The following CDC42BPA variants were observed in gnomAD, a reference collection of about 807,000 sequenced individuals.
CDC42BPA encodes the protein serine/threonine-protein kinase MRCK alpha.
In CDC42BPA, 80 loss-of-function variants were observed where a neutral mutation model predicts 223.5. The ratio of observed to expected loss-of-function variants is 0.36; its 90% confidence interval spans 0.30 to 0.43. CDC42BPA has a LOEUF of 0.43. Among genes scored for constraint, CDC42BPA ranks in the 20% least tolerant of loss-of-function variants. The pLI, the probability that CDC42BPA is intolerant of heterozygous loss-of-function variation, is 1.00. For missense variants in CDC42BPA, 1,743 were observed against 2,099.9 expected (o/e 0.83, Z 3.32); for synonymous variants, 694 against 718.6 (o/e 0.97, Z 0.55).
chr1:227,078,765 C>A (rs968847070), intron 17 of CDC42BPA, among the ~76,000 whole-genome samples: 3 of 152,096 alleles, frequency 2.0e-5, no homozygotes. Flanking sequence ...ATTTAAAGTG[C>A]TATATGTCAT....
intron 2 of CDC42BPA, among the ~76,000 whole-genome samples, chr1:227,230,511 A>G (rs1263291555): frequency 2.6e-5 from 4 of 152,188 alleles, no homozygotes; most frequent in Non-Finnish European, 5.9e-5. Flanking sequence ...AACAGAGTTT[A>G]AAATTTATTC....
In CDC42BPA at chr1:227,317,443, C is replaced by T; in HGVS notation, c.-261G>A. The T allele has an allele frequency of 2.6e-6, 1 of 382,102 alleles. No individual in the cohort carries two copies. 23.7% of individuals were successfully genotyped at this position (382,102 alleles called of 1,614,324 possible). On this transcript the variant is annotated 5_prime_UTR_variant, in exon 1 of 37. Coordinates refer to ENST00000366766, the MANE Select transcript of CDC42BPA (RefSeq NM_001394014.1). ...TACTTAATGCATTTTTAAAAGAATACAATTAAGTCGTATATTTAAATAAAA... is the reference window on the plus strand; with the variant it reads ...TACTTAATGCATTTTTAAAAGAATATAATTAAGTCGTATATTTAAATAAAA...
chr1:227,275,819 G>A (rs1182474458), intron 1 of CDC42BPA, among the ~76,000 whole-genome samples: 2 of 152,216 alleles, frequency 1.3e-5, no homozygotes, highest in Non-Finnish European at 2.9e-5. Flanking sequence ...CGCCGGGCTG[G>A]TCTCCAGCTC....
rs1218181007 is a variant in CDC42BPA, at chr1:227,063,889, A to C, written c.2904+5888T>G. 2.0e-5 allele frequency among the ~76,000 whole-genome samples: 3 copies of C among 152,206 alleles called. No individual in the cohort carries two copies. The East Asian group carries it at 5.8e-4, about 29-fold the overall frequency. ...ACTGATTGTAACAGAATGTAAAAGA[A>C]GCTGGGAGATAAAACCATGTGAAAT... is the stretch of plus-strand genomic sequence containing the variant. On this transcript the variant is annotated intron_variant, in intron 21 of 36. Coordinates refer to ENST00000366766, the MANE Select transcript of CDC42BPA (RefSeq NM_001394014.1).
At chr1:227,050,613 A>G (rs954961954) in intron 22 of CDC42BPA, among the ~76,000 whole-genome samples, 3 of 152,186 alleles carry the variant, frequency 2.0e-5, no homozygotes, top group Non-Finnish European at 2.9e-5. Context: ...ATAATGAATG[A>G]ACTAAATGAA....
At chr1:227,312,016 T>C (rs77877041) in intron 1 of CDC42BPA, among the ~76,000 whole-genome samples, 14,230 of 152,272 alleles carry the variant, frequency 0.093, 831 homozygotes, top group Middle Eastern at 0.17. Context: ...GCACCTACAC[T>C]GAAGTATTTC....
At chr1:227,303,505 C>T (rs1244909670) in intron 1 of CDC42BPA, among the ~76,000 whole-genome samples, 1 of 152,196 alleles carries the variant, frequency 6.6e-6, no homozygotes, top group Admixed American at 6.5e-5. Context: ...GATAAAGTAA[C>T]CCAATGGCAC....
chr1:227,194,498 A>G (rs537044247), intron 4 of CDC42BPA, among the ~76,000 whole-genome samples: 1 of 152,340 alleles, frequency 6.6e-6, no homozygotes, highest in Admixed American at 6.5e-5. Flanking sequence ...TAATACTGTA[A>G]AAATATCAGA....
chr1:226,998,810 TA>T (rs1332997797), intron 35 of CDC42BPA, among the ~76,000 whole-genome samples: 3 of 152,200 alleles, frequency 2.0e-5, no homozygotes, highest in African/African-American at 7.2e-5. Context: ...CTAATTAAAC[TA>T]AAGAGCTTCT....
At chr1:227,051,101 G>C (rs1673448343) in intron 22 of CDC42BPA, among the ~76,000 whole-genome samples, 1 of 152,178 alleles carries the variant, frequency 6.6e-6, no homozygotes, top group Non-Finnish European at 1.5e-5. Flanking sequence ...AATCAAGTCA[G>C]AACCTGACTA....
chr1:227,281,689 A>G (rs965082275), intron 1 of CDC42BPA, among the ~76,000 whole-genome samples: 1 of 152,176 alleles, frequency 6.6e-6, no homozygotes, highest in African/African-American at 2.4e-5. Flanking sequence ...AGCCTGAGTT[A>G]GAGCTTTTGC....
At chr1:227,013,914 AAAT>A (rs1665707500) in intron 34 of CDC42BPA, among the ~76,000 whole-genome samples, 1 of 152,172 alleles carries the variant, frequency 6.6e-6, no homozygotes, top group African/African-American at 2.4e-5. Context: ...AGTTTAATTA[AAAT>A]ACTACACAGC....
rs774757916 is a variant in CDC42BPA at position 227,145,672 on chromosome 1, C to T, written c.960G>A (p.Arg320=). ...GTCGATGTTCTCTGCTACAAATGAGCCTTCGAATAAGATCCTTAGCATTTT... is the reference window on the plus strand; with the variant it reads ...GTCGATGTTCTCTGCTACAAATGAGTCTTCGAATAAGATCCTTAGCATTTT... ...VSENAKDLIR[R]LICSREHRLG... is the part of the protein sequence containing the mutation. Residue 320 remains arginine, a synonymous_variant, in exon 8 of 37, where the codon AGG becomes AGA. Transcript: ENST00000366766. 1.3e-5 allele frequency: 21 copies of T among 1,613,568 alleles called. No homozygotes were observed. The highest frequency in any genetic ancestry group is 1.8e-5 in the Non-Finnish European group (21 of 1,179,736).
intron 6 of CDC42BPA, among the ~76,000 whole-genome samples, chr1:227,153,471 T>C (rs765427512): frequency 2.0e-5 from 3 of 151,852 alleles, no homozygotes; most frequent in Non-Finnish European, 2.9e-5. Flanking sequence ...TTGGAAAATA[T>C]TTAGAATTGA....
chr1:227,193,214 T>C (rs934604129), intron 5 of CDC42BPA, among the ~76,000 whole-genome samples: 23 of 144,342 alleles, frequency 1.6e-4, no homozygotes, highest in African/African-American at 5.4e-4. Context: ...GGACTACAGG[T>C]GCCCGCCACC....
chr1:227,312,510 TAA>T (rs1693702348), intron 1 of CDC42BPA, among the ~76,000 whole-genome samples: 1 of 152,192 alleles, frequency 6.6e-6, no homozygotes, highest in Non-Finnish European at 1.5e-5. Flanking sequence ...CTAAAATTCC[TAA>T]AGTGTTAATC....
intron 17 of CDC42BPA, among the ~76,000 whole-genome samples, chr1:227,074,811 C>A (rs775971532): frequency 1.3e-5 from 2 of 152,176 alleles, no homozygotes; most frequent in Admixed American, 1.3e-4. Flanking sequence ...GGATATTCTG[C>A]AAAAATCAGG....
intron 15 of CDC42BPA, among the ~76,000 whole-genome samples, chr1:227,098,144 C>G (rs1313193419): frequency 1.3e-5 from 2 of 152,174 alleles, no homozygotes; most frequent in African/African-American, 4.8e-5. Flanking sequence ...GCTGCTAACA[C>G]AAGGACACTA....
chr1:227,245,476 A>G (rs933328965), intron 2 of CDC42BPA, among the ~76,000 whole-genome samples: 5 of 152,004 alleles, frequency 3.3e-5, no homozygotes, highest in Non-Finnish European at 5.9e-5. Flanking sequence ...TTTGTAGTAG[A>G]GACAGGGTTT....
Sources: allele counts gnomAD v4.1 joint callset (sites outside exome capture counted in the v4.1 genomes callset), GRCh38; gene constraint gnomAD v4.1.1; transcripts MANE v1.5; gene names NCBI Gene and HGNC (gene_info 2026-07-23, HGNC 2026-07-21).